RGS22: variants seen among roughly 807,000 people sequenced by gnomAD.
RGS22 encodes regulator of G-protein signaling 22.
RGS22 carries 148 observed loss-of-function variants against 172.9 expected under a neutral mutation model. The observed-to-expected ratio is 0.86, with a 90% confidence interval of 0.75 to 0.98. The LOEUF is 0.98. Ranked by LOEUF, RGS22 falls within the 50% of genes least tolerant of loss-of-function variation. The pLI, the probability that RGS22 is intolerant of heterozygous loss-of-function variation, is 0.00. For missense variants in RGS22, 1,347 were observed against 1,440.8 expected, an observed-to-expected ratio of 0.93 and a Z score of 1.05; for synonymous variants, 458 against 480.2, an observed-to-expected ratio of 0.95 and a Z score of 0.60.
intron 14 of RGS22, among the ~76,000 whole-genome samples, chr8:100,019,953 C>T (rs1817426756): frequency 3.5e-5 from 1 of 28,484 alleles, no homozygotes; most frequent in Non-Finnish European, 7.9e-5. Flanking sequence ...GGTGCAATCT[C>T]GGCTCACCGC....
At chr8:100,051,919 ATAAATG>A (rs1391342189) in intron 10 of RGS22, among the ~76,000 whole-genome samples, 6 of 56,358 alleles carry the variant, frequency 1.1e-4, no homozygotes, top group African/African-American at 3.1e-4. Flanking sequence ...ATATTTATAT[ATAAATG>A]TTTATATATA....
intron 10 of RGS22, among the ~76,000 whole-genome samples, chr8:100,052,426 C>T (rs944729323): frequency 2.6e-5 from 4 of 151,290 alleles, no homozygotes; most frequent in East Asian, 1.9e-4. Context: ...CTCAGCCTCC[C>T]GAGTAGCTGG....
intron 14 of RGS22, among the ~76,000 whole-genome samples, chr8:100,029,572 G>A (rs1472425526): frequency 6.6e-6 from 1 of 151,724 alleles, no homozygotes; most frequent in African/African-American, 2.4e-5. Flanking sequence ...GCGTGGTGGT[G>A]CACACCTGTA....
At chr8:100,024,870 A>C (rs185793252) in intron 14 of RGS22, among the ~76,000 whole-genome samples, 40 of 152,300 alleles carry the variant, frequency 2.6e-4, no homozygotes, top group Non-Finnish European at 4.9e-4. Context: ...GAATTAAATA[A>C]AATTATCCAT....
chr8:100,075,135 A>G (rs1811258797), intron 4 of RGS22, among the ~76,000 whole-genome samples: 1 of 152,104 alleles, frequency 6.6e-6, no homozygotes, highest in Admixed American at 6.6e-5. Context: ...AGTAGGATAG[A>G]TGGGCAGTGA....
chr8:100,102,515 T>G (rs933012843), intron 2 of RGS22, among the ~76,000 whole-genome samples: 2 of 152,236 alleles, frequency 1.3e-5, no homozygotes, highest in Non-Finnish European at 2.9e-5. Flanking sequence ...AATTATTTAA[T>G]CTATAGACAA....
intron 14 of RGS22, among the ~76,000 whole-genome samples, chr8:100,019,143 G>C (rs982270353): frequency 5.9e-5 from 9 of 152,250 alleles, no homozygotes; most frequent in African/African-American, 2.2e-4. Context: ...CCAAAGGTGA[G>C]CACAGGCTTT....
At chr8:100,078,055 T>C (rs539045432) in intron 4 of RGS22, among the ~76,000 whole-genome samples, 2 of 152,314 alleles carry the variant, frequency 1.3e-5, no homozygotes, top group East Asian at 3.9e-4. Context: ...TTCCTTTAAT[T>C]CATAATTGCA....
At chr8:99,974,461 T>C (rs1811701914) in intron 23 of RGS22, among the ~76,000 whole-genome samples, 1 of 152,180 alleles carries the variant, frequency 6.6e-6, no homozygotes, top group South Asian at 2.1e-4. Flanking sequence ...ACAATGCTTA[T>C]GATACAATAG....
chr8:100,049,801 A>C lies in RGS22; in HGVS notation c.1690-2205T>G, dbSNP rs565945273. Among the ~76,000 whole-genome samples, 11 of 152,210 alleles carry C rather than the reference A, an allele frequency of 7.2e-5. No homozygotes were observed. The South Asian group carries it at 2.1e-3, about 29-fold the overall frequency. Reference sequence around the variant, plus strand: ...GGTGGCTCAAGCCTGTAATCCCAGCACTTTGGGAGGCCAAGGCGGGCAGAT... The same window carrying C: ...GGTGGCTCAAGCCTGTAATCCCAGCCCTTTGGGAGGCCAAGGCGGGCAGAT... On this transcript the variant is annotated intron_variant, in intron 10 of 27. Coordinates refer to ENST00000360863, the MANE Select transcript of RGS22 (RefSeq NM_015668.5).
chr8:100,024,339 T>C (rs979977592), intron 14 of RGS22, among the ~76,000 whole-genome samples: 1 of 152,192 alleles, frequency 6.6e-6, no homozygotes, highest in Non-Finnish European at 1.5e-5. Context: ...ATTAAACTGT[T>C]TTCACATAAA....
intron 14 of RGS22, among the ~76,000 whole-genome samples, chr8:100,032,539 G>A (rs1467760133): frequency 2.0e-5 from 3 of 152,002 alleles, no homozygotes; most frequent in African/African-American, 7.2e-5. Context: ...GACCTACAAA[G>A]AGACTTAGAC....
chr8:100,020,911 C>G (rs960612719), intron 14 of RGS22, among the ~76,000 whole-genome samples: 6 of 152,172 alleles, frequency 3.9e-5, no homozygotes, highest in African/African-American at 1.4e-4. Context: ...GGTGCTACTG[C>G]ACATCTCTTC....
At chr8:100,056,788 C>T (rs1260037790) in intron 9 of RGS22, among the ~76,000 whole-genome samples, 1 of 152,228 alleles carries the variant, frequency 6.6e-6, no homozygotes, top group Non-Finnish European at 1.5e-5. Context: ...AGGGGCGGGG[C>T]ACTCATGGAG....
chr8:100,011,253 A>AT (rs1816355821), intron 14 of RGS22, among the ~76,000 whole-genome samples: 2 of 152,204 alleles, frequency 1.3e-5, no homozygotes, highest in Admixed American at 6.5e-5. Flanking sequence ...TCTTTGAAGG[A>AT]TTTTAACTGA....
intron 10 of RGS22, among the ~76,000 whole-genome samples, chr8:100,052,114 T>C (rs374619243): frequency 0.015 from 346 of 23,592 alleles, 32 homozygotes; most frequent in Admixed American, 0.022. Context: ...TAAATGTTTA[T>C]ATATATTTAT....
chr8:100,074,171 A>C (rs1717869852), intron 4 of RGS22, among the ~76,000 whole-genome samples: 1 of 152,242 alleles, frequency 6.6e-6, no homozygotes, highest in South Asian at 2.1e-4. Context: ...GCCATACACA[A>C]GCTGTCTAAA....
At chr8:100,077,952 C>A (rs901897530) in intron 4 of RGS22, among the ~76,000 whole-genome samples, 1 of 152,136 alleles carries the variant, frequency 6.6e-6, no homozygotes, top group Non-Finnish European at 1.5e-5. Flanking sequence ...TGACCCTCCC[C>A]CCTTTATCAT....
intron 2 of RGS22, among the ~76,000 whole-genome samples, chr8:100,098,896 AT>A (rs199752266): frequency 2.4e-4 from 12 of 49,688 alleles, no homozygotes; most frequent in African/African-American, 1.1e-3. Context: ...ATTTTATTTT[AT>A]TTTATTTTAT....
Sources: allele counts gnomAD v4.1 joint callset (sites outside exome capture counted in the v4.1 genomes callset), GRCh38; gene constraint gnomAD v4.1.1; transcripts MANE v1.5; gene names NCBI Gene and HGNC (gene_info 2026-07-23, HGNC 2026-07-21).